The following DYNC2I1 variants were observed in gnomAD, a reference collection of about 807,000 sequenced individuals.
DYNC2I1 encodes dynein 2 intermediate chain 1, also known as cytoplasmic dynein 2 intermediate chain 1.
Under a neutral mutation model 133.4 loss-of-function variants are expected in DYNC2I1, and 89 were observed. The observed-to-expected ratio is 0.67, with a 90% CI of 0.56 to 0.80. DYNC2I1 has a LOEUF of 0.80. Among genes scored for constraint, DYNC2I1 ranks in the 30% least tolerant of loss-of-function variants. The pLI, the probability that DYNC2I1 is intolerant of heterozygous loss-of-function variation, is 0.00. For synonymous variants in DYNC2I1, 504 were observed against 484.3 expected (o/e 1.04, Z -0.54); for missense variants, 1,291 against 1,314.5 (o/e 0.98, Z 0.28).
intron 24 of DYNC2I1, among the ~76,000 whole-genome samples, chr7:158,942,730 T>C (rs1402730961): frequency 6.6e-6 from 1 of 152,190 alleles, no homozygotes; most frequent in African/African-American, 2.4e-5. Context: ...GGATGGTGTG[T>C]GGAATTAATG....
rs183731157 is a variant in DYNC2I1 at position 158,927,583 on chromosome 7, C to T, written c.2485+540C>T. Among the ~76,000 whole-genome samples, 733 of 151,350 alleles carry T rather than the reference C, an allele frequency of 4.8e-3. 1 individual carries two copies. The highest frequency in any genetic ancestry group is 8.4e-3 in the Non-Finnish European group (567 of 67,882). ...TTTTTTTTTTTTTTGAGACAGAGTC[C>T]CGCTCTGTTGCCCAGGCTGCTGCAG... is the stretch of plus-strand genomic sequence containing the variant. On this transcript the variant is annotated intron_variant, in intron 20 of 24. Transcript: ENST00000407559.
At chr7:158,941,787 A>G (rs1851394719) in intron 23 of DYNC2I1, 138 bp from the exon 24 acceptor site, 1 of 897,588 alleles carries the variant, frequency 1.1e-6, no homozygotes, top group Admixed American at 2.2e-5. Flanking sequence ...CCGAGGCAGG[A>G]GGATTGATTG....
chr7:158,853,287 C>T (rs1309622931), upstream of DYNC2I1, among the ~76,000 whole-genome samples: 1 of 152,176 alleles, frequency 6.6e-6, no homozygotes, highest in East Asian at 1.9e-4. Flanking sequence ...CAAACTTAAC[C>T]TGAAGAAGTA....
At chr7:158,868,519 C>T (rs905081401) in intron 1 of DYNC2I1, among the ~76,000 whole-genome samples, 8 of 152,222 alleles carry the variant, frequency 5.3e-5, no homozygotes, top group Non-Finnish European at 2.9e-5. Context: ...TGTTTTTGGG[C>T]CTGGAACCTT....
At chr7:158,876,006 C>T (rs1843322312) in intron 3 of DYNC2I1, among the ~76,000 whole-genome samples, 1 of 152,168 alleles carries the variant, frequency 6.6e-6, no homozygotes, top group Non-Finnish European at 1.5e-5. Flanking sequence ...CTCTCTGTTC[C>T]TTAGTGTACG....
chr7:158,871,314 G>A lies in DYNC2I1; in HGVS notation c.242G>A (p.Arg81His), dbSNP rs1435508159. 11 of 1,565,566 alleles carry A rather than the reference G, an allele frequency of 7.0e-6. No individual in the cohort carries two copies. The highest frequency in any genetic ancestry group is 5.4e-5 in the African/African-American group (4 of 73,622). Residue 81 changes from arginine to histidine, a missense_variant, in exon 3 of 25, where the codon CGT (arginine) becomes CAT (histidine). Transcript: ENST00000407559. ...AEVHTAKESPRGERDRDRQRE... is the reference protein window; with the variant it reads ...AEVHTAKESPHGERDRDRQRE... ...GTCCACACCGCTAAGGAGAGTCCTC[G>A]TGGGGAGAGGGACAGAGACAGACAG... is the stretch of plus-strand genomic sequence containing the variant.
chr7:158,916,365 TCGACACG>T (rs1848292491), intron 14 of DYNC2I1, among the ~76,000 whole-genome samples: 5 of 91,592 alleles, frequency 5.5e-5, no homozygotes, highest in Non-Finnish European at 1.0e-4. Flanking sequence ...TTGTGAAACG[TCGACACG>T]CTGGTTGACA....
chr7:158,919,814 C>G (rs1234205723), intron 15 of DYNC2I1, among the ~76,000 whole-genome samples: 2 of 152,242 alleles, frequency 1.3e-5, no homozygotes, highest in Non-Finnish European at 2.9e-5. Flanking sequence ...GTACCTGTAT[C>G]ATTCAACACA....
At chr7:158,876,141 T>TTA (rs1249921148) in intron 3 of DYNC2I1, among the ~76,000 whole-genome samples, 2 of 152,118 alleles carry the variant, frequency 1.3e-5, no homozygotes, top group Non-Finnish European at 2.9e-5. Context: ...CTCAGGAGAC[T>TTA]TACAGTCTTA....
downstream of DYNC2I1, among the ~76,000 whole-genome samples, chr7:158,951,145 G>C (rs373621355): frequency 3.5e-4 from 54 of 152,316 alleles, no homozygotes; most frequent in African/African-American, 1.3e-3. Flanking sequence ...TTGTTCTGAT[G>C]GTTGTTTTGT....
chr7:158,910,670 G>T (rs890133264), intron 11 of DYNC2I1, among the ~76,000 whole-genome samples: 1 of 151,846 alleles, frequency 6.6e-6, no homozygotes, highest in Non-Finnish European at 1.5e-5. Flanking sequence ...GCAATTGGCT[G>T]TGTCAGGCTC....
chr7:158,901,744 T>G lies in DYNC2I1; in HGVS notation c.1065T>G (p.Ile355Met), dbSNP rs1489755314. The G allele has an allele frequency of 3.2e-5, 51 of 1,571,274 alleles. No homozygotes were observed. Among genetic ancestry groups the G allele is most frequent in the Non-Finnish European group, 4.4e-5 (51 of 1,159,280 alleles). Residue 355 changes from isoleucine (I) to methionine (M), a missense_variant, in exon 9 of 25, where the codon ATT becomes ATG. Physicochemically the swap from Ile to Met is conservative, Grantham distance 10. Transcript: ENST00000407559. ...TGTTTGATTTTTACCTCTAGGAAAT[T>G]GAAAAGGAAGAAACTGATTTAGAAA... ...QRPGGEETVEIEKEETDLENA... is the reference protein window; with the variant it reads ...QRPGGEETVEMEKEETDLENA...
intron 23 of DYNC2I1, among the ~76,000 whole-genome samples, chr7:158,940,214 A>G (rs1491001883): frequency 2.0e-5 from 3 of 152,086 alleles, no homozygotes; most frequent in Non-Finnish European, 4.4e-5. Context: ...GATTTGGGGG[A>G]CAGTTTCAGG....
chr7:158,840,939 C>A, the DYNC2I1 span, among the ~76,000 whole-genome samples: 2 of 152,120 alleles, frequency 1.3e-5, no homozygotes, highest in Non-Finnish European at 2.9e-5. Flanking sequence ...TCCTGACTGT[C>A]CCTGGGTTCC....
At chr7:158,917,700 C>T (rs1848610783) in intron 14 of DYNC2I1, among the ~76,000 whole-genome samples, 1 of 151,060 alleles carries the variant, frequency 6.6e-6, no homozygotes. Context: ...TCTCACTAAA[C>T]ACCCCCTGCC....
intron 21 of DYNC2I1, among the ~76,000 whole-genome samples, chr7:158,932,198 C>T (rs3793188): frequency 0.13 from 20,372 of 152,204 alleles, 1,729 homozygotes; most frequent in East Asian, 0.45. Context: ...AGCGAGGCCC[C>T]GTCCCTCAGG....
rs780361021 is a variant in DYNC2I1 at position 158,906,100 on chromosome 7, A to G, written c.1460+9A>G. 28 of 1,610,446 alleles carry G rather than the reference A, an allele frequency of 1.7e-5. No individual in the cohort carries two copies. The highest frequency in any genetic ancestry group is 2.3e-5 in the Non-Finnish European group (27 of 1,177,362). On this transcript the variant is annotated intron_variant, in intron 11 of 24. Transcript: ENST00000407559. ...CAGGCCCTTAAGCAAAAGTAGGTGT[A>G]TTGGGAAAGCAGCCAAAGGTGTTCA...
chr7:158,840,014 T>C, the DYNC2I1 span, among the ~76,000 whole-genome samples: 1 of 152,122 alleles, frequency 6.6e-6, no homozygotes, highest in Non-Finnish European at 1.5e-5. Context: ...TTGGTCTTAC[T>C]GTGTCGTCCA....
At chr7:158,909,319 A>G (rs1847148636) in intron 11 of DYNC2I1, among the ~76,000 whole-genome samples, 1 of 142,636 alleles carries the variant, frequency 7.0e-6, no homozygotes, top group South Asian at 2.4e-4. Flanking sequence ...CGACAGAGCA[A>G]GACTCTGTCT....
Sources: allele counts gnomAD v4.1 joint callset (sites outside exome capture counted in the v4.1 genomes callset), GRCh38; gene constraint gnomAD v4.1.1; transcripts MANE v1.5; gene names NCBI Gene and HGNC (gene_info 2026-07-23, HGNC 2026-07-21).